Variants in POU2AF1 observed in about 807,000 individuals in gnomAD.
POU2AF1 encodes the protein POU class 2 homeobox associating factor 1, also known as POU domain class 2-associating factor 1.
Under a neutral mutation model 26.3 loss-of-function variants are expected in POU2AF1, and 12 were observed. The ratio of observed to expected loss-of-function variants is 0.46; its 90% CI spans 0.29 to 0.74. POU2AF1 has a LOEUF of 0.74. Ranked by LOEUF, POU2AF1 falls within the 30% of genes least tolerant of loss-of-function variation. The pLI is 0.09. For missense variants in POU2AF1, 297 were observed against 334.5 expected, an observed-to-expected ratio of 0.89 and a Z score of 0.87; for synonymous variants, 175 against 148.0, an observed-to-expected ratio of 1.18 and a Z score of -1.32.
intron 1 of POU2AF1, among the ~76,000 whole-genome samples, chr11:111,365,175 G>A (rs1049938176): frequency 6.6e-6 from 1 of 152,232 alleles, no homozygotes; most frequent in East Asian, 1.9e-4. Context: ...CTATGTGAGT[G>A]AGGGTAGCCC....
At chr11:111,360,044 C>T (rs760264896) in intron 1 of POU2AF1, 1 of 518,928 alleles carries the variant, frequency 1.9e-6, no homozygotes, top group Non-Finnish European at 3.8e-6. Context: ...CTCTTGCCAT[C>T]AAAGCCAGGA....
chr11:111,363,214 C>T, intron 1 of POU2AF1: 2 of 1,017,252 alleles, frequency 2.0e-6, no homozygotes, highest in Non-Finnish European at 2.4e-6. Context: ...CCCACAGCTC[C>T]CACGGGTCTC....
intron 4 of POU2AF1, among the ~76,000 whole-genome samples, 188 bp from the exon 5 acceptor site, chr11:111,354,763 G>A (rs1860810721): frequency 6.6e-6 from 1 of 152,088 alleles, no homozygotes; most frequent in Admixed American, 6.5e-5. Context: ...TTCAACCGCA[G>A]CCCCAATCCT....
At chr11:111,378,791 C>A (rs566141738) in intron 1 of POU2AF1, among the ~76,000 whole-genome samples, 1 of 152,340 alleles carries the variant, frequency 6.6e-6, no homozygotes, top group African/African-American at 2.4e-5. Context: ...CTGTAAAGAA[C>A]TGCATGGCTT....
At chr11:111,367,943 A>C (rs371808957) in intron 1 of POU2AF1, among the ~76,000 whole-genome samples, 79 of 152,284 alleles carry the variant, frequency 5.2e-4, no homozygotes, top group African/African-American at 1.8e-3. Context: ...CGGAGCAGAA[A>C]GGGTTCGCAG....
rs1448582742 is a variant in POU2AF1 at position 111,352,964 on chromosome 11, AG to A, written c.*1296del. On this transcript the variant is annotated 3_prime_UTR_variant, in exon 5 of 5. Transcript: ENST00000393067. ...AACCAAAAAAAAGAAAGAAAGAGAG[AG>A]GAAGGAAGGAAGGAAGGAAGGAAGG... The A allele has an allele frequency of 2.6e-5, 1 of 39,120 alleles. No homozygotes were observed. Among genetic ancestry groups the A allele is most frequent in the Non-Finnish European group, 5.4e-5 (1 of 18,364 alleles). The allele number at this position is 39,120 out of a possible 1,614,324, so 2.4% of individuals were successfully genotyped here.
chr11:111,354,188 G>A lies in POU2AF1; in HGVS notation c.*73C>T, dbSNP rs1860793820. 2 of 1,517,962 alleles carry A rather than the reference G, an allele frequency of 1.3e-6. No individual in the cohort carries two copies. The highest frequency in any genetic ancestry group is 1.4e-5 in the African/African-American group (1 of 71,636). The allele number at this position is 1,517,962 out of a possible 1,614,324, so 94.0% of individuals were successfully genotyped here. ...TGAAATGACTACTCCAAACAAGCAT[G>A]AACCTGGGGCTCAATTCCAGGCTCA... On this transcript the variant is annotated 3_prime_UTR_variant, in exon 5 of 5. Transcript: ENST00000393067.
chr11:111,354,701 G>A, intron 4 of POU2AF1, 126 bp from the exon 5 acceptor site: 1 of 844,738 alleles, frequency 1.2e-6, no homozygotes. Flanking sequence ...CACTTCATGG[G>A]GCTCCACCTC....
chr11:111,355,959 T>C (rs1437026076), intron 4 of POU2AF1, among the ~76,000 whole-genome samples: 1 of 152,206 alleles, frequency 6.6e-6, no homozygotes, highest in Non-Finnish European at 1.5e-5. Context: ...GTCATAAACC[T>C]GTAACTATAG....
chr11:111,379,132 G>C (rs750366168), intron 1 of POU2AF1, 30 bp downstream of exon 1: 1 of 1,613,804 alleles, frequency 6.2e-7, no homozygotes, highest in Non-Finnish European at 8.5e-7. Flanking sequence ...GCACTCGCTT[G>C]GGTCTGACAG....
intron 1 of POU2AF1, among the ~76,000 whole-genome samples, chr11:111,362,208 T>C (rs1051766241): frequency 2.0e-5 from 3 of 152,214 alleles, no homozygotes; most frequent in Non-Finnish European, 2.9e-5. Context: ...TATATATTTA[T>C]GGGGTACACA....
intron 1 of POU2AF1, among the ~76,000 whole-genome samples, chr11:111,366,001 T>C (rs528045293): frequency 6.6e-6 from 1 of 152,386 alleles, no homozygotes; most frequent in Admixed American, 6.5e-5. Context: ...GTGGGTGCTT[T>C]TCTTACAGTT....
intron 1 of POU2AF1, among the ~76,000 whole-genome samples, chr11:111,371,685 G>A (rs1322076184): frequency 1.3e-5 from 2 of 152,124 alleles, no homozygotes; most frequent in African/African-American, 2.4e-5. Context: ...GTCTTCAGAG[G>A]TAGATTGTGA....
At chr11:111,362,514 A>G (rs1861029402) in intron 1 of POU2AF1, among the ~76,000 whole-genome samples, 1 of 152,140 alleles carries the variant, frequency 6.6e-6, no homozygotes, top group Non-Finnish European at 1.5e-5. Context: ...TATCTCCATG[A>G]ATTCAATTGT....
chr11:111,353,893 G>A lies in POU2AF1; in HGVS notation c.*368C>T, dbSNP rs923099373. On this transcript the variant is annotated 3_prime_UTR_variant, in exon 5 of 5. Transcript: ENST00000393067. ...AAGAAGTAAGAAAGAGAGAAGAAGC[G>A]AGGGAGGGAGGGAGGTAAAGAAGGA... 11 of 291,582 alleles carry A rather than the reference G, an allele frequency of 3.8e-5. No individual in the cohort carries two copies. Among genetic ancestry groups the A allele is most frequent in the East Asian group, 1.2e-4 (2 of 17,258 alleles). The allele number at this position is 291,582 out of a possible 1,614,324, so 18.1% of individuals were successfully genotyped here.
chr11:111,364,621 C>T (rs1861070156), intron 1 of POU2AF1, among the ~76,000 whole-genome samples: 1 of 152,246 alleles, frequency 6.6e-6, no homozygotes, highest in Admixed American at 6.5e-5. Flanking sequence ...GTCCTTCTCC[C>T]AGCCATTGTC....
chr11:111,371,578 G>A (rs923632161), intron 1 of POU2AF1, among the ~76,000 whole-genome samples: 2 of 152,120 alleles, frequency 1.3e-5, no homozygotes, highest in African/African-American at 2.4e-5. Flanking sequence ...CCCACCACAA[G>A]TTACAAGACT....
chr11:111,377,952 AT>A (rs923393986), intron 1 of POU2AF1: 18 of 170,904 alleles, frequency 1.1e-4, no homozygotes, highest in Admixed American at 8.3e-4. Flanking sequence ...ATTTCTCTTT[AT>A]TTTTTTAAAA....
intron 1 of POU2AF1, among the ~76,000 whole-genome samples, chr11:111,375,133 C>G (rs1861283060): frequency 6.6e-6 from 1 of 152,146 alleles, no homozygotes; most frequent in Admixed American, 6.5e-5. Context: ...TCAGCCAGTC[C>G]AAAGAAAATC....
Sources: allele counts gnomAD v4.1 joint callset (sites outside exome capture counted in the v4.1 genomes callset), GRCh38; gene constraint gnomAD v4.1.1; transcripts MANE v1.5; gene names NCBI Gene and HGNC (gene_info 2026-07-23, HGNC 2026-07-21).